CCSER1: variants seen among roughly 807,000 people sequenced by gnomAD.
CCSER1 encodes the protein coiled-coil serine rich protein 1, also known as serine-rich coiled-coil domain-containing protein 1.
In CCSER1, 41 loss-of-function variants were observed where a neutral mutation model predicts 82.0. The observed-to-expected ratio is 0.50, with a 90% CI of 0.39 to 0.65. The LOEUF (loss-of-function observed/expected upper bound fraction) is 0.65. CCSER1 is among the 30% of genes least tolerant of loss of function. CCSER1 has a pLI of 0.00. For synonymous variants in CCSER1, 414 were observed against 383.9 expected, an observed-to-expected ratio of 1.08 and a Z score of -0.92; for missense variants, 1,119 against 1,064.2, an observed-to-expected ratio of 1.05 and a Z score of -0.72.
intron 9 of CCSER1, among the ~76,000 whole-genome samples, chr4:90,934,507 G>T (rs936086324): frequency 1.3e-5 from 2 of 152,186 alleles, no homozygotes; most frequent in African/African-American, 4.8e-5. Context: ...TTAACTTTCA[G>T]TAGTCAGGAA....
At chr4:91,538,002 A>G (rs959407492) in intron 10 of CCSER1, among the ~76,000 whole-genome samples, 5 of 152,054 alleles carry the variant, frequency 3.3e-5, no homozygotes, top group African/African-American at 1.2e-4. Flanking sequence ...TGAATTGGTT[A>G]TATTCAGATA....
chr4:91,593,554 C>T (rs753808936), intron 10 of CCSER1, among the ~76,000 whole-genome samples: 4 of 144,648 alleles, frequency 2.8e-5, no homozygotes, highest in South Asian at 2.1e-4. Flanking sequence ...CCTCGTGATC[C>T]GCCCACCTCG....
chr4:91,500,353 T>C (rs1759143216), intron 10 of CCSER1, among the ~76,000 whole-genome samples: 1 of 152,078 alleles, frequency 6.6e-6, no homozygotes, highest in African/African-American at 2.4e-5. Flanking sequence ...TTAAGAGTTA[T>C]TTATATATTT....
At chr4:90,499,776 C>G (rs1227656184) in intron 5 of CCSER1, among the ~76,000 whole-genome samples, 1 of 152,052 alleles carries the variant, frequency 6.6e-6, no homozygotes, top group Non-Finnish European at 1.5e-5. Flanking sequence ...TTCTCATGTT[C>G]CATCATAGCT....
intron 10 of CCSER1, among the ~76,000 whole-genome samples, chr4:91,274,903 A>C (rs976882354): frequency 2.4e-4 from 36 of 152,060 alleles, no homozygotes; most frequent in Admixed American, 2.0e-3. Flanking sequence ...CAGGAGATCG[A>C]GACCATCCTG....
intron 8 of CCSER1, among the ~76,000 whole-genome samples, chr4:90,839,306 C>G (rs1344087152): frequency 6.6e-6 from 1 of 152,086 alleles, no homozygotes. Context: ...GTTTATCAAA[C>G]GTGTAAGAAC....
chr4:90,682,133 C>CA (rs938851308), intron 6 of CCSER1, among the ~76,000 whole-genome samples: 2 of 151,778 alleles, frequency 1.3e-5, no homozygotes, highest in Non-Finnish European at 2.9e-5. Flanking sequence ...TCTGATTTGG[C>CA]AAACATGGTG....
chr4:90,981,232 C>G (rs2150421414), intron 9 of CCSER1, among the ~76,000 whole-genome samples: 1 of 151,954 alleles, frequency 6.6e-6, no homozygotes, highest in East Asian at 2.0e-4. Flanking sequence ...TTTTCTTCCC[C>G]TTTCCACTAT....
intron 10 of CCSER1, among the ~76,000 whole-genome samples, chr4:91,505,548 T>C (rs902542331): frequency 5.9e-5 from 9 of 152,224 alleles, no homozygotes; most frequent in Non-Finnish European, 1.3e-4. Context: ...TGAACTAATT[T>C]ACATTCCCAC....
chr4:91,597,187 T>G (rs1764623422), intron 10 of CCSER1, among the ~76,000 whole-genome samples: 1 of 151,938 alleles, frequency 6.6e-6, no homozygotes, highest in South Asian at 2.1e-4. Flanking sequence ...TAGGATAAAA[T>G]CAAACTCTGT....
chr4:91,196,538 C>T (rs1438934482), intron 10 of CCSER1, among the ~76,000 whole-genome samples: 1 of 152,170 alleles, frequency 6.6e-6, no homozygotes, highest in Non-Finnish European at 1.5e-5. Flanking sequence ...GAAAAATCCG[C>T]AGTCATGACA....
chr4:91,066,076 T>C (rs1393824643), intron 9 of CCSER1, among the ~76,000 whole-genome samples: 1 of 152,210 alleles, frequency 6.6e-6, no homozygotes, highest in Non-Finnish European at 1.5e-5. Context: ...GTTTTTCTAA[T>C]TGCTTTCAAT....
At position 91,137,100 on chromosome 4, in the gene CCSER1, C is replaced by T. The variant is rs536933941; in HGVS notation, c.2217+51106C>T. ...TATGTATACATGGGCCATGCTGGTG[C>T]GCTGCACCCACTAACTCGTCATCTA... is the stretch of plus-strand genomic sequence containing the variant. On this transcript the variant is annotated intron_variant, in intron 10 of 10. Transcript: ENST00000509176. Among the ~76,000 whole-genome samples, 59 of 145,536 alleles carry T rather than the reference C, an allele frequency of 4.1e-4. No individual in the cohort carries two copies. In the East Asian group the frequency reaches 5.3e-3, roughly 13 times the overall value.
intron 10 of CCSER1, among the ~76,000 whole-genome samples, chr4:91,165,737 C>A (rs761732039): frequency 6.6e-6 from 1 of 152,278 alleles, no homozygotes; most frequent in Non-Finnish European, 1.5e-5. Flanking sequence ...CCCGCCAAAC[C>A]AGGCGTGGGA....
intron 9 of CCSER1, among the ~76,000 whole-genome samples, chr4:90,936,300 T>G (rs2150313592): frequency 6.6e-6 from 1 of 152,108 alleles, no homozygotes; most frequent in African/African-American, 2.4e-5. Flanking sequence ...TTGTAACTGA[T>G]TTTCCTAGTT....
intron 10 of CCSER1, among the ~76,000 whole-genome samples, chr4:91,396,636 A>G (rs547295947): frequency 6.6e-6 from 1 of 152,138 alleles, no homozygotes; most frequent in East Asian, 1.9e-4. Flanking sequence ...GCCATATGTT[A>G]TACACCCTGA....
intron 10 of CCSER1, among the ~76,000 whole-genome samples, chr4:91,293,649 T>C (rs1743924289): frequency 6.6e-6 from 1 of 151,978 alleles, no homozygotes; most frequent in East Asian, 1.9e-4. Context: ...CATTTTATTC[T>C]GTATGTCTTT....
intron 10 of CCSER1, among the ~76,000 whole-genome samples, chr4:91,382,991 T>C (rs1751027399): frequency 6.8e-6 from 1 of 147,096 alleles, no homozygotes; most frequent in African/African-American, 2.5e-5. Context: ...ACTCAGATGA[T>C]CATTATCATT....
At chr4:90,716,169 TA>T (rs1239696072) in intron 6 of CCSER1, among the ~76,000 whole-genome samples, 1 of 151,858 alleles carries the variant, frequency 6.6e-6, no homozygotes, top group East Asian at 1.9e-4. Context: ...AATACATTGC[TA>T]AAATTGGTGG....
Sources: allele counts gnomAD v4.1 joint callset (sites outside exome capture counted in the v4.1 genomes callset), GRCh38; gene constraint gnomAD v4.1.1; transcripts MANE v1.5; gene names NCBI Gene and HGNC (gene_info 2026-07-23, HGNC 2026-07-21).